PHACTR2: variants seen among roughly 807,000 people sequenced by gnomAD.
PHACTR2 encodes phosphatase and actin regulator 2, also known as chromosome 6 open reading frame 56.
Under a neutral mutation model 76.0 loss-of-function variants are expected in PHACTR2, and 30 were observed. The observed-to-expected ratio is 0.39, with a 90% CI of 0.30 to 0.54. PHACTR2 has a LOEUF of 0.54. Ranked by LOEUF, PHACTR2 falls within the 20% of genes least tolerant of loss-of-function variation. The pLI is 0.61. For synonymous variants in PHACTR2, 292 were observed against 292.5 expected, an observed-to-expected ratio of 1.00 and a Z score of 0.02; for missense variants, 696 against 781.1, an observed-to-expected ratio of 0.89 and a Z score of 1.30.
chr6:143,562,196 C>T lies in PHACTR2; in HGVS notation c.217+24989C>T, dbSNP rs1582672341. Among the ~76,000 whole-genome samples the T allele has an allele frequency of 6.6e-6, 1 of 152,278 alleles. No individual in the cohort carries two copies. The highest frequency in any genetic ancestry group is 1.9e-4 in the East Asian group (1 of 5,190). On this transcript the variant is annotated intron_variant, in intron 1 of 11. Transcript: ENST00000367584. This position sits in a 1 kb window ranked among gnomAD's most constrained non-coding sequence, Gnocchi z 5.1. ...CTTGATGTATTAGGCCATTCTTGCA[C>T]TGCTATGAATAAATACCTGAGACTG... is the stretch of plus-strand genomic sequence containing the variant.
At position 143,764,416 on chromosome 6, in the gene PHACTR2, G is replaced by C. The variant is rs937745376; in HGVS notation, c.695-845G>C. On this transcript the variant is annotated intron_variant, in intron 5 of 12. Transcript: ENST00000440869. The surrounding 1 kb of genome is among the most constrained non-coding windows in gnomAD (Gnocchi z 4.7). ...CACACCTGTAGTCCCAGCTACTCAGGAGGCTAAGGCAGGAGGATCACTTGA... is the reference window on the plus strand; with the variant it reads ...CACACCTGTAGTCCCAGCTACTCAGCAGGCTAAGGCAGGAGGATCACTTGA... 1.3e-5 allele frequency among the ~76,000 whole-genome samples: 2 copies of C among 151,942 alleles called. No individual in the cohort carries two copies. The highest frequency in any genetic ancestry group is 4.8e-5 in the African/African-American group (2 of 41,344).
At position 143,795,988 on chromosome 6, in the gene PHACTR2, GATGTGCTTTTGTCCA is replaced by G. The variant is rs1775812432; in HGVS notation, c.1845+7080_1845+7094del. On this transcript the variant is annotated intron_variant, in intron 11 of 12. Coordinates refer to ENST00000440869, the MANE Select transcript of PHACTR2 (RefSeq NM_001100164.2). This position sits in a 1 kb window ranked among gnomAD's most constrained non-coding sequence, Gnocchi z 4.8. Reference sequence around the variant, plus strand: ...GAGAGTGTAGAATTTTTTCAGATGAGATGTGCTTTTGTCCAACAGGTCACTCAGTAATCACTTATT... The same window carrying G: ...GAGAGTGTAGAATTTTTTCAGATGAGACAGGTCACTCAGTAATCACTTATT... Among the ~76,000 whole-genome samples the G allele has an allele frequency of 6.6e-6, 1 of 152,144 alleles. No homozygotes were observed. Among genetic ancestry groups the G allele is most frequent in the Non-Finnish European group, 1.5e-5 (1 of 68,030 alleles).
At chr6:143,540,593 A>C (rs1330889267) in intron 1 of PHACTR2, among the ~76,000 whole-genome samples, 1 of 152,176 alleles carries the variant, frequency 6.6e-6, no homozygotes, top group Non-Finnish European at 1.5e-5. Flanking sequence ...TCCCCTGACT[A>C]TGCTAGATTA....
rs181975189 is a variant in PHACTR2 at position 143,823,209 on chromosome 6, G to A, written c.1923-465G>A. Among the ~76,000 whole-genome samples the A allele has an allele frequency of 9.0e-4, 137 of 152,368 alleles. No individual in the cohort carries two copies. The highest frequency in any genetic ancestry group is 1.5e-3 in the Non-Finnish European group (102 of 68,030). On this transcript the variant is annotated intron_variant, in intron 12 of 12. Coordinates refer to ENST00000440869, the MANE Select transcript of PHACTR2 (RefSeq NM_001100164.2). This position sits in a 1 kb window ranked among gnomAD's most constrained non-coding sequence, Gnocchi z 5.7. ...GCCCTGTGGGCTTTTGGAAATTCAA[G>A]TGTAGAAAGTAGATTTGGAGTCGTC...
chr6:143,720,138 G>C (rs1457643893), intron 2 of PHACTR2, among the ~76,000 whole-genome samples: 3 of 152,064 alleles, frequency 2.0e-5, no homozygotes, highest in African/African-American at 7.2e-5. Context: ...TTTGTCCTCA[G>C]CAAGTGTTTA....
At chr6:143,691,093 A>G (rs534722609) in intron 1 of PHACTR2, among the ~76,000 whole-genome samples, 40 of 152,328 alleles carry the variant, frequency 2.6e-4, no homozygotes, top group Non-Finnish European at 5.0e-4. Context: ...GGGGTCTCAG[A>G]GTCTGTGTTC....
chr6:143,574,692 T>TA (rs61503676), intron 1 of PHACTR2, among the ~76,000 whole-genome samples: 49 of 148,182 alleles, frequency 3.3e-4, no homozygotes, highest in East Asian at 5.9e-4. Flanking sequence ...TTGATGGCAT[T>TA]AAAAAAAAAA....
chr6:143,760,320 C>A lies in PHACTR2; in HGVS notation c.455-81C>A. The A allele has an allele frequency of 7.9e-7, 1 of 1,264,696 alleles. No homozygotes were observed. Among genetic ancestry groups the A allele is most frequent in the South Asian group, 1.4e-5 (1 of 72,486 alleles). 78.3% of individuals were successfully genotyped at this position (1,264,696 alleles called of 1,614,324 possible). A position where few individuals can be genotyped will look rare whatever the true frequency, so the allele number is the denominator to read the frequency against. On this transcript the variant is annotated intron_variant, in intron 4 of 12. Coordinates refer to ENST00000440869, the MANE Select transcript of PHACTR2 (RefSeq NM_001100164.2). This position sits in a 1 kb window ranked among gnomAD's most constrained non-coding sequence, Gnocchi z 6.4. Reference sequence around the variant, plus strand: ...AGTACCAAGCAGACACGCTTTGTGTCACTATCGTCATGTCTTGCTCCTTGT... The same window carrying A: ...AGTACCAAGCAGACACGCTTTGTGTAACTATCGTCATGTCTTGCTCCTTGT...
chr6:143,637,182 G>A (rs1776470554), intron 1 of PHACTR2, among the ~76,000 whole-genome samples: 1 of 152,164 alleles, frequency 6.6e-6, no homozygotes. Flanking sequence ...TCTTCTGAGG[G>A]ATCCTTGCTG....
Position 143,709,983 on chromosome 6 carries a change from A to T in PHACTR2, c.47-2033A>T, listed in dbSNP as rs1778137235. On this transcript the variant is annotated intron_variant, in intron 1 of 12. Coordinates refer to ENST00000440869, the MANE Select transcript of PHACTR2 (RefSeq NM_001100164.2). This position sits in a 1 kb window ranked among gnomAD's most constrained non-coding sequence, Gnocchi z 4.4. ...TAGGGGTCCTTTTCAGAGCCTCATG[A>T]GGGTGGAAATCTAGTAACTCCATTC... Among the ~76,000 whole-genome samples, 2 of 152,084 alleles carry T rather than the reference A, an allele frequency of 1.3e-5. No individual in the cohort carries two copies. The highest frequency in any genetic ancestry group is 2.9e-5 in the Non-Finnish European group (2 of 68,022).
intron 2 of PHACTR2, among the ~76,000 whole-genome samples, chr6:143,714,784 C>T (rs557337515): frequency 2.4e-4 from 36 of 152,280 alleles, no homozygotes; most frequent in Non-Finnish European, 3.5e-4. Flanking sequence ...TTCTTCTATC[C>T]CTTCCCTATT....
chr6:143,564,329 G>A (rs1336793742), intron 1 of PHACTR2, among the ~76,000 whole-genome samples: 1 of 150,480 alleles, frequency 6.6e-6, no homozygotes, highest in African/African-American at 2.4e-5. Flanking sequence ...AGTTGGCCAG[G>A]TGCAGTGGCT....
In PHACTR2 at chr6:143,646,271, T is replaced by C. The variant is rs1776658344; in HGVS notation, c.13+37949T>C. 6.6e-6 allele frequency among the ~76,000 whole-genome samples: 1 copy of C among 152,100 alleles called. No individual in the cohort carries two copies. The highest frequency in any genetic ancestry group is 6.5e-5 in the Admixed American group (1 of 15,276). ...AGAGTGTCTATGTCTATGTCAGTAA[T>C]TGGGATTATTTTTAAACTGAAAAAC... On this transcript the variant is annotated intron_variant, in intron 1 of 11. Transcript: ENST00000305766. The surrounding 1 kb of genome is among the most constrained non-coding windows in gnomAD (Gnocchi z 4.1).
intron 2 of PHACTR2, among the ~76,000 whole-genome samples, chr6:143,728,445 C>T (rs1040576244): frequency 6.6e-6 from 1 of 151,760 alleles, no homozygotes; most frequent in African/African-American, 2.4e-5. Context: ...AACTCCTGGG[C>T]TCAAGTGATC....
Position 143,793,276 on chromosome 6 carries a change from T to A in PHACTR2, c.1845+4366T>A, listed in dbSNP as rs187115156. Among the ~76,000 whole-genome samples, 98 of 152,276 alleles carry A rather than the reference T, an allele frequency of 6.4e-4. No homozygotes were observed. Among genetic ancestry groups the A allele is most frequent in the African/African-American group, 1.8e-3 (74 of 41,562 alleles). On this transcript the variant is annotated intron_variant, in intron 11 of 12. Transcript: ENST00000440869. The surrounding 1 kb of genome is among the most constrained non-coding windows in gnomAD (Gnocchi z 4.4). ...CTGTAACAGAGAGGATTTTTTTTTTTAATTTTATGTTGAAACAAAAATGGG... is the reference window on the plus strand; with the variant it reads ...CTGTAACAGAGAGGATTTTTTTTTTAAATTTTATGTTGAAACAAAAATGGG...
In PHACTR2 at chr6:143,684,733, A is replaced by G. The variant is rs1480068752; in HGVS notation, c.46+6524A>G. On this transcript the variant is annotated intron_variant, in intron 1 of 12. Coordinates refer to ENST00000440869, the MANE Select transcript of PHACTR2 (RefSeq NM_001100164.2). This position sits in a 1 kb window ranked among gnomAD's most constrained non-coding sequence, Gnocchi z 4.3. ...TCCTCTGGGTGAGGCAGCTAGCTCC[A>G]CAGCACAGACTTAACAAGTGGAACT... 6.6e-6 allele frequency among the ~76,000 whole-genome samples: 1 copy of G among 152,214 alleles called. No individual in the cohort carries two copies. The highest frequency in any genetic ancestry group is 1.5e-5 in the Non-Finnish European group (1 of 68,020).
intron 1 of PHACTR2, among the ~76,000 whole-genome samples, chr6:143,690,918 G>A (rs919852352): frequency 6.6e-6 from 1 of 152,138 alleles, no homozygotes; most frequent in Non-Finnish European, 1.5e-5. Flanking sequence ...TTATTTTAGG[G>A]ATGCGTCATC....
intron 2 of PHACTR2, among the ~76,000 whole-genome samples, chr6:143,747,951 C>T (rs557358803): frequency 9.2e-5 from 14 of 152,278 alleles, no homozygotes; most frequent in African/African-American, 2.2e-4. Flanking sequence ...GATCCTGCTC[C>T]GGAGCTCCCA....
chr6:143,810,061 A>C (rs1331798253), intron 12 of PHACTR2, among the ~76,000 whole-genome samples: 1 of 152,154 alleles, frequency 6.6e-6, no homozygotes, highest in Non-Finnish European at 1.5e-5. Context: ...CAGTGAGCCC[A>C]GATCACACCA....
Sources: allele counts gnomAD v4.1 joint callset (sites outside exome capture counted in the v4.1 genomes callset), GRCh38; gene constraint gnomAD v4.1.1; non-coding constraint Gnocchi (gnomAD v3.1); transcripts MANE v1.5; gene names NCBI Gene and HGNC (gene_info 2026-07-23, HGNC 2026-07-21).